The following H3-3A variants were observed in gnomAD, a reference collection of about 807,000 sequenced individuals.
H3-3A encodes histone H3.3.
For synonymous variants in H3-3A, 49 were observed against 61.4 expected (o/e 0.80, Z 0.95); for missense variants, 7 against 184.0 (o/e 0.04, Z 5.57).
At chr1:226,062,835 TC>T in intron 1 of H3-3A, 24 bp downstream of exon 1, 2 of 159,956 alleles carry the variant, frequency 1.3e-5, no homozygotes. Flanking sequence ...TCTGCCCGCT[TC>T]CCCGGAACCG....
In H3-3A at chr1:226,065,987, T is replaced by C. The variant is rs116389985; in HGVS notation, c.282+178T>C. The C allele has an allele frequency of 9.3e-3, 5,763 of 622,120 alleles. 282 individuals carry two copies. The African/African-American group carries it at 0.094, about 10-fold the overall frequency. 38.5% of individuals were successfully genotyped at this position (622,120 alleles called of 1,614,324 possible). A position where few individuals can be genotyped will look rare whatever the true frequency, so the allele number is the denominator to read the frequency against. ...TGCTCAAGGTCATACACGTAGAAAATGGCAAAACCATAATTTGAACCTATT... is the reference window on the plus strand; with the variant it reads ...TGCTCAAGGTCATACACGTAGAAAACGGCAAAACCATAATTTGAACCTATT... On this transcript the variant is annotated intron_variant, in intron 3 of 3. Transcript: ENST00000366815.
chr1:226,067,425 A>G (rs1657964589), intron 3 of H3-3A, among the ~76,000 whole-genome samples: 1 of 152,094 alleles, frequency 6.6e-6, no homozygotes, highest in South Asian at 2.1e-4. Context: ...TTTTATGCAT[A>G]TATTTTAGTT....
At chr1:226,069,127 G>T (rs1658016158) in intron 3 of H3-3A, among the ~76,000 whole-genome samples, 1 of 150,746 alleles carries the variant, frequency 6.6e-6, no homozygotes, top group South Asian at 2.1e-4. Flanking sequence ...GCTTACTGCA[G>T]CCTCCGCCTC....
chr1:226,064,468 T>G lies in H3-3A; in HGVS notation c.117T>G (p.Pro39=). The G allele has an allele frequency of 1.2e-6, 2 of 1,612,140 alleles. No homozygotes were observed. Among genetic ancestry groups the G allele is most frequent in the South Asian group, 1.1e-5 (1 of 90,938 alleles). ...CCTCTACTGGAGGGGTGAAGAAACCTCATCGTTACAGGTATTAAAAAACAG... is the reference window on the plus strand; with the variant it reads ...CCTCTACTGGAGGGGTGAAGAAACCGCATCGTTACAGGTATTAAAAAACAG... ...SAPSTGGVKK[P]HRYRPGTVAL... is the part of the protein sequence containing the mutation. Residue 39 remains proline (P), a synonymous_variant, in exon 2 of 4, where the codon CCT becomes CCG. Transcript: ENST00000366815.
rs758639960 is a variant in H3-3A, at chr1:226,065,632, A to G, written c.129-24A>G. 5 of 1,513,934 alleles carry G rather than the reference A, an allele frequency of 3.3e-6. No homozygotes were observed. In the African/African-American group the frequency reaches 7.0e-5, roughly 21 times the overall value. 93.8% of individuals were successfully genotyped at this position (1,513,934 alleles called of 1,614,324 possible). A position where few individuals can be genotyped will look rare whatever the true frequency, so the allele number is the denominator to read the frequency against. On this transcript the variant is annotated intron_variant, in intron 2 of 3. Coordinates refer to ENST00000366815, the MANE Select transcript of H3-3A (RefSeq NM_002107.7). ...TTGTGCTAGTTATGTTTTTGGTAAC[A>G]GTTTCTTTATTAATTTTTTAAAGGC...
At chr1:226,066,667 TACC>T (rs1657935641) in intron 3 of H3-3A, 2 of 152,260 alleles carry the variant, frequency 1.3e-5, no homozygotes, top group African/African-American at 4.8e-5. Context: ...ACAGTAAAGC[TACC>T]ACCTCCATCA....
Sources: gnomAD v4.1 joint callset for allele counts (sites outside exome capture counted in the v4.1 genomes callset) on GRCh38, gnomAD v4.1.1 for gene constraint, MANE v1.5 for transcripts, NCBI Gene and HGNC (gene_info 2026-07-23, HGNC 2026-07-21) for gene names.